PTPRN2: variants seen among roughly 807,000 people sequenced by gnomAD.
PTPRN2 encodes receptor-type tyrosine-protein phosphatase N2.
A neutral mutation model predicts 118.8 loss-of-function variants in PTPRN2; 74 were observed. That is an observed-to-expected ratio of 0.62 (90% confidence interval 0.52 to 0.76). PTPRN2 has a LOEUF of 0.76. PTPRN2 is among the 30% of genes least tolerant of loss of function. The pLI, the probability that PTPRN2 is intolerant of heterozygous loss-of-function variation, is 0.00. For synonymous variants in PTPRN2, 641 were observed against 608.0 expected, an observed-to-expected ratio of 1.05 and a Z score of -0.80; for missense variants, 1,481 against 1,394.4, an observed-to-expected ratio of 1.06 and a Z score of -0.99.
At chr7:158,359,774 G>T (rs1808705319) in intron 2 of PTPRN2, among the ~76,000 whole-genome samples, 1 of 152,148 alleles carries the variant, frequency 6.6e-6, no homozygotes, top group Non-Finnish European at 1.5e-5. Context: ...ATTAAAACAT[G>T]ATTAAGAATG....
At chr7:157,928,671 G>A (rs1379002055) in intron 11 of PTPRN2, among the ~76,000 whole-genome samples, 5 of 123,184 alleles carry the variant, frequency 4.1e-5, no homozygotes, top group East Asian at 2.8e-4. Context: ...TGCAAGTTCC[G>A]ACTATGAAGA....
chr7:158,416,812 T>C (rs76071914), intron 2 of PTPRN2, among the ~76,000 whole-genome samples: 3,385 of 152,198 alleles, frequency 0.022, 142 homozygotes, highest in African/African-American at 0.076. Flanking sequence ...GAAACGATGA[T>C]ATCCAGGGGA....
intron 14 of PTPRN2, among the ~76,000 whole-genome samples, chr7:157,650,182 G>C (rs941281804): frequency 6.6e-6 from 1 of 152,126 alleles, no homozygotes; most frequent in East Asian, 1.9e-4. Flanking sequence ...GTTTAATGCC[G>C]TCTCTGGTCA....
At chr7:157,645,678 G>C (rs984592213) in intron 14 of PTPRN2, among the ~76,000 whole-genome samples, 2 of 152,178 alleles carry the variant, frequency 1.3e-5, no homozygotes, top group African/African-American at 4.8e-5. Context: ...CCTCTCCTGA[G>C]AGCGGCGTCA....
intron 10 of PTPRN2, among the ~76,000 whole-genome samples, chr7:158,110,269 A>C (rs1398239010): frequency 2.0e-5 from 3 of 152,176 alleles, no homozygotes; most frequent in African/African-American, 7.2e-5. Flanking sequence ...TTCCTCAAGC[A>C]CTTGTCGTGA....
intron 17 of PTPRN2, among the ~76,000 whole-genome samples, chr7:157,594,738 C>T (rs927828405): frequency 2.0e-5 from 3 of 152,218 alleles, no homozygotes; most frequent in Admixed American, 1.3e-4. Context: ...GCATGTTGCT[C>T]TATTTGCTGA....
chr7:158,297,067 A>G (rs1800555277), intron 3 of PTPRN2, among the ~76,000 whole-genome samples: 1 of 152,212 alleles, frequency 6.6e-6, no homozygotes, highest in Non-Finnish European at 1.5e-5. Flanking sequence ...GCGCCTTACT[A>G]GTTCCTCTGC....
rs1207141073 is a variant in PTPRN2, at chr7:157,822,490, T to A, written c.1788+76183A>T. On this transcript the variant is annotated intron_variant, in intron 12 of 22. Coordinates refer to ENST00000389418, the MANE Select transcript of PTPRN2 (RefSeq NM_002847.5). ...CATCCACCCATCTATATGCTATCCA[T>A]CATCCATCCACCTATATATTAGCCA... Among the ~76,000 whole-genome samples, 5 of 151,970 alleles carry A rather than the reference T, an allele frequency of 3.3e-5. No homozygotes were observed. The East Asian group carries it at 9.7e-4, about 29-fold the overall frequency.
chr7:158,381,025 G>A (rs774873050), intron 2 of PTPRN2, among the ~76,000 whole-genome samples: 2 of 152,246 alleles, frequency 1.3e-5, no homozygotes, highest in Non-Finnish European at 2.9e-5. Context: ...CACACAGCAT[G>A]GGGACCCTGG....
intron 2 of PTPRN2, among the ~76,000 whole-genome samples, chr7:158,382,737 G>A (rs570906633): frequency 3.0e-4 from 45 of 152,324 alleles, no homozygotes; most frequent in South Asian, 4.1e-4. Flanking sequence ...CATGATCCAA[G>A]GTGGAGCTGA....
At position 158,104,841 on chromosome 7, in the gene PTPRN2, C is replaced by A. The variant is rs188540759; in HGVS notation, c.1643+5988G>T. On this transcript the variant is annotated intron_variant, in intron 10 of 22. Coordinates refer to ENST00000389418, the MANE Select transcript of PTPRN2 (RefSeq NM_002847.5). Reference sequence around the variant, plus strand: ...AGCTCCATCAAACTCCATCCCAGCTCCACCCTCAGCTCCTTCCCAACTCTA... The same window carrying A: ...AGCTCCATCAAACTCCATCCCAGCTACACCCTCAGCTCCTTCCCAACTCTA... Among the ~76,000 whole-genome samples the A allele has an allele frequency of 2.2e-3, 328 of 150,490 alleles. 5 individuals are homozygous for A. The highest frequency in any genetic ancestry group is 0.019 in the Admixed American group (285 of 15,066).
At chr7:158,490,591 C>T (rs750792246) in intron 1 of PTPRN2, among the ~76,000 whole-genome samples, 1 of 152,254 alleles carries the variant, frequency 6.6e-6, no homozygotes, top group Non-Finnish European at 1.5e-5. Context: ...GAGCGGCTCC[C>T]GCGAGGGCGT....
At chr7:158,306,320 T>TGCCCAGGCTGTGC (rs1801282371) in intron 3 of PTPRN2, among the ~76,000 whole-genome samples, 1 of 152,204 alleles carries the variant, frequency 6.6e-6, no homozygotes, top group Middle Eastern at 3.2e-3. Context: ...GAGGGCTGTG[T>TGCCCAGGCTGTGC]GCCTGCCCAG....
chr7:157,983,534 GCTGAAAC>G (rs1803478689), intron 11 of PTPRN2, among the ~76,000 whole-genome samples: 1 of 152,254 alleles, frequency 6.6e-6, no homozygotes, highest in Non-Finnish European at 1.5e-5. Flanking sequence ...TTCTGACACA[GCTGAAAC>G]CTGAACCCAT....
intron 12 of PTPRN2, among the ~76,000 whole-genome samples, chr7:157,844,570 G>C (rs1808664871): frequency 6.6e-6 from 1 of 152,178 alleles, no homozygotes; most frequent in South Asian, 2.1e-4. Context: ...TGACCAGCCT[G>C]GGGTCCTGAA....
chr7:158,263,370 GCA>G (rs1353462685), intron 3 of PTPRN2, among the ~76,000 whole-genome samples: 1 of 145,980 alleles, frequency 6.9e-6, no homozygotes, highest in African/African-American at 2.8e-5. Context: ...GCACACACAT[GCA>G]CACTGTACAC....
chr7:158,211,253 C>G (rs926381703), intron 3 of PTPRN2, among the ~76,000 whole-genome samples: 13 of 152,158 alleles, frequency 8.5e-5, no homozygotes, highest in African/African-American at 3.1e-4. Flanking sequence ...CCCTAGTACA[C>G]TGGATAGTGT....
At chr7:158,024,815 A>G (rs1437705565) in intron 11 of PTPRN2, among the ~76,000 whole-genome samples, 1 of 152,262 alleles carries the variant, frequency 6.6e-6, no homozygotes, top group African/African-American at 2.4e-5. Context: ...ATTGACCTCA[A>G]TTCCTTTCCA....
At chr7:157,902,368 C>A (rs1260464093) in intron 11 of PTPRN2, among the ~76,000 whole-genome samples, 1 of 151,100 alleles carries the variant, frequency 6.6e-6, no homozygotes, top group Admixed American at 6.6e-5. Context: ...CTGGAGAGTA[C>A]GTGGAAATCA....
Sources: gnomAD v4.1 joint callset for allele counts (sites outside exome capture counted in the v4.1 genomes callset) on GRCh38, gnomAD v4.1.1 for gene constraint, MANE v1.5 for transcripts, NCBI Gene and HGNC (gene_info 2026-07-23, HGNC 2026-07-21) for gene names.